Variants in GUCY1A2 observed in about 807,000 individuals in gnomAD.
GUCY1A2 encodes guanylate cyclase 1 soluble subunit alpha 2.
GUCY1A2 carries 27 observed loss-of-function variants against 63.5 expected under a neutral mutation model. That is an observed-to-expected ratio of 0.43 (90% CI 0.31 to 0.59). GUCY1A2 has a LOEUF of 0.59. Ranked by LOEUF, GUCY1A2 falls within the 20% of genes least tolerant of loss-of-function variation. The pLI is 0.11. For missense variants in GUCY1A2, 768 were observed against 913.3 expected (o/e 0.84, Z 2.05); for synonymous variants, 364 against 343.5 (o/e 1.06, Z -0.66).
chr11:107,003,484 C>A lies in GUCY1A2; in HGVS notation c.303+14269G>T, dbSNP rs188693752. ...TTTTTTTCTCTCTCAGAGTGTTTGTCAATTTTCAAGATACTAGCTATCACC... is the reference window on the plus strand; with the variant it reads ...TTTTTTTCTCTCTCAGAGTGTTTGTAAATTTTCAAGATACTAGCTATCACC... On this transcript the variant is annotated intron_variant, in intron 1 of 7. Coordinates refer to ENST00000526355, the MANE Select transcript of GUCY1A2 (RefSeq NM_000855.3). 3.9e-5 allele frequency among the ~76,000 whole-genome samples: 6 copies of A among 152,202 alleles called. No individual in the cohort carries two copies. In the East Asian group the frequency reaches 1.2e-3, roughly 29 times the overall value.
At chr11:106,801,543 C>A (rs1372454718) in intron 5 of GUCY1A2, among the ~76,000 whole-genome samples, 1 of 152,088 alleles carries the variant, frequency 6.6e-6, no homozygotes, top group Non-Finnish European at 1.5e-5. Context: ...CTATCTGACA[C>A]ATGAATGATT....
chr11:106,792,986 T>C (rs528841485), intron 5 of GUCY1A2, among the ~76,000 whole-genome samples: 12 of 152,130 alleles, frequency 7.9e-5, no homozygotes, highest in African/African-American at 1.2e-4. Context: ...TCTCTATCAA[T>C]ATTCCAATGC....
intron 4 of GUCY1A2, among the ~76,000 whole-genome samples, chr11:106,870,538 GT>G (rs751854451): frequency 6.6e-6 from 1 of 151,980 alleles, no homozygotes; most frequent in Non-Finnish European, 1.5e-5. Flanking sequence ...GTATGTTTTT[GT>G]TGTTGTTGTT....
At chr11:106,826,944 T>C in intron 4 of GUCY1A2, 1 of 1,610,584 alleles carries the variant, frequency 6.2e-7, no homozygotes, top group South Asian at 1.1e-5. Flanking sequence ...GTGTAACTCC[T>C]GTAGCACTGA....
intron 7 of GUCY1A2, among the ~76,000 whole-genome samples, chr11:106,707,675 A>T (rs886880016): frequency 2.6e-5 from 4 of 152,060 alleles, no homozygotes; most frequent in African/African-American, 9.7e-5. Flanking sequence ...GGATATAATG[A>T]TGAGCCAAAC....
chr11:106,923,637 A>T (rs1282362734), intron 4 of GUCY1A2, among the ~76,000 whole-genome samples: 1 of 152,122 alleles, frequency 6.6e-6, no homozygotes, highest in Non-Finnish European at 1.5e-5. Flanking sequence ...GATTTTTTTT[A>T]ATTTTTACTT....
chr11:106,730,236 A>T (rs2135370659), intron 6 of GUCY1A2, among the ~76,000 whole-genome samples: 1 of 151,614 alleles, frequency 6.6e-6, no homozygotes, highest in Admixed American at 6.6e-5. Flanking sequence ...CAAGCATAGT[A>T]CCTGATAGGT....
At chr11:106,976,167 A>G (rs543611746) in intron 3 of GUCY1A2, among the ~76,000 whole-genome samples, 42 of 152,308 alleles carry the variant, frequency 2.8e-4, no homozygotes, top group Non-Finnish European at 5.0e-4. Context: ...TATGTTTGCC[A>G]ATCTCAGTCC....
In GUCY1A2 at chr11:106,675,809, T is replaced by C. The variant is rs987926886; in HGVS notation, c.*11740A>G. On this transcript the variant is annotated 3_prime_UTR_variant, in exon 8 of 8. Coordinates refer to ENST00000526355, the MANE Select transcript of GUCY1A2 (RefSeq NM_000855.3). ...AATTTATATGGTAGCTGCCTGTTTT[T>C]TCACAATTTCAAAATAAGTCAGTAT... is the stretch of plus-strand genomic sequence containing the variant. 5.3e-6 allele frequency: 1 copy of C among 189,490 alleles called. No homozygotes were observed. Among genetic ancestry groups the C allele is most frequent in the Admixed American group, 6.2e-5 (1 of 16,192 alleles). The allele number at this position is 189,490 out of a possible 1,614,324, so 11.7% of individuals were successfully genotyped here. A position where few individuals can be genotyped will look rare whatever the true frequency, so the allele number is the denominator to read the frequency against.
chr11:106,888,646 G>T (rs141107298), intron 4 of GUCY1A2, among the ~76,000 whole-genome samples: 184 of 152,208 alleles, frequency 1.2e-3, no homozygotes, highest in Admixed American at 3.8e-3. Context: ...CACAATAAGT[G>T]CAATGATTTA....
intron 4 of GUCY1A2, among the ~76,000 whole-genome samples, chr11:106,875,148 C>T (rs1345730426): frequency 1.3e-5 from 2 of 152,086 alleles, no homozygotes; most frequent in Admixed American, 6.6e-5. Flanking sequence ...TGTATTAATG[C>T]TACTATAACA....
intron 5 of GUCY1A2, among the ~76,000 whole-genome samples, chr11:106,793,365 A>G (rs776651754): frequency 1.3e-4 from 20 of 152,182 alleles, no homozygotes; most frequent in Non-Finnish European, 2.6e-4. Flanking sequence ...TGGAATAAAG[A>G]CACAAATGTG....
chr11:106,782,826 G>C (rs879928), intron 5 of GUCY1A2, among the ~76,000 whole-genome samples: 1,935 of 152,236 alleles, frequency 0.013, 24 homozygotes, highest in South Asian at 0.049. Context: ...AGAAGAGCAG[G>C]AAAAACTATG....
At chr11:106,946,589 A>C (rs1860832455) in intron 3 of GUCY1A2, among the ~76,000 whole-genome samples, 1 of 152,176 alleles carries the variant, frequency 6.6e-6, no homozygotes, top group Non-Finnish European at 1.5e-5. Context: ...AATATCAACA[A>C]GGTAGAATAA....
intron 6 of GUCY1A2, among the ~76,000 whole-genome samples, chr11:106,761,688 C>G: frequency 6.6e-6 from 1 of 152,250 alleles, no homozygotes; most frequent in Non-Finnish European, 1.5e-5. Context: ...GCATAAACAA[C>G]CCTTGAAGCA....
chr11:106,734,963 C>T (rs1047334320), intron 6 of GUCY1A2, among the ~76,000 whole-genome samples: 16 of 151,770 alleles, frequency 1.1e-4, no homozygotes, highest in African/African-American at 3.9e-4. Context: ...AAAATACTCT[C>T]CTAGTATTTT....
At chr11:106,725,149 ATTC>A (rs1863383312) in intron 6 of GUCY1A2, among the ~76,000 whole-genome samples, 1 of 59,840 alleles carries the variant, frequency 1.7e-5, no homozygotes, top group Non-Finnish European at 3.1e-5. Context: ...ATTGACATAA[ATTC>A]TTTTTTTTTT....
intron 4 of GUCY1A2, among the ~76,000 whole-genome samples, chr11:106,898,476 C>T (rs1049721370): frequency 6.6e-6 from 1 of 152,100 alleles, no homozygotes; most frequent in African/African-American, 2.4e-5. Flanking sequence ...TAAATACACT[C>T]TGAACATGCA....
chr11:106,712,691 A>C (rs992524443), intron 6 of GUCY1A2, among the ~76,000 whole-genome samples: 2 of 152,156 alleles, frequency 1.3e-5, no homozygotes, highest in African/African-American at 4.8e-5. Context: ...AAGATTTGTT[A>C]GGCAAGACTG....
Sources: gnomAD v4.1 joint callset for allele counts (sites outside exome capture counted in the v4.1 genomes callset) on GRCh38, gnomAD v4.1.1 for gene constraint, MANE v1.5 for transcripts, NCBI Gene and HGNC (gene_info 2026-07-23, HGNC 2026-07-21) for gene names.